GRIK2: variants seen among roughly 807,000 people sequenced by gnomAD.
GRIK2 encodes glutamate ionotropic receptor kainate type subunit 2.
GRIK2 carries 32 observed loss-of-function variants against 100.3 expected under a neutral mutation model. The ratio of observed to expected loss-of-function variants is 0.32; its 90% CI spans 0.24 to 0.43. GRIK2 has a LOEUF of 0.43. Ranked by LOEUF, GRIK2 falls within the 20% of genes least tolerant of loss-of-function variation. The pLI is 1.00. For missense variants in GRIK2, 843 were observed against 1,114.9 expected, an observed-to-expected ratio of 0.76 and a Z score of 3.47; for synonymous variants, 417 against 389.4, an observed-to-expected ratio of 1.07 and a Z score of -0.83.
At chr6:101,717,886 G>C (rs939256927) in intron 7 of GRIK2, among the ~76,000 whole-genome samples, 1 of 151,632 alleles carries the variant, frequency 6.6e-6, no homozygotes, top group African/African-American at 2.4e-5. Context: ...AAAGCCTTTA[G>C]TCTTTATTAA....
At chr6:101,549,075 TGAG>T (rs1330643145) in intron 2 of GRIK2, among the ~76,000 whole-genome samples, 1 of 152,064 alleles carries the variant, frequency 6.6e-6, no homozygotes, top group African/African-American at 2.4e-5. Context: ...GAACAAAACT[TGAG>T]GATTAATTTA....
chr6:101,411,051 G>T (rs768100965), intron 2 of GRIK2, among the ~76,000 whole-genome samples: 32 of 152,096 alleles, frequency 2.1e-4, no homozygotes, highest in Middle Eastern at 6.8e-3. Flanking sequence ...GAATATTTTT[G>T]AATTTTTGCC....
chr6:101,580,839 C>A (rs1369734366), intron 2 of GRIK2, among the ~76,000 whole-genome samples: 1 of 151,944 alleles, frequency 6.6e-6, no homozygotes, highest in East Asian at 1.9e-4. Context: ...CTGCATAGTT[C>A]CCTCTCAATT....
chr6:101,639,069 C>T (rs375722302), intron 4 of GRIK2, among the ~76,000 whole-genome samples: 7 of 152,092 alleles, frequency 4.6e-5, no homozygotes, highest in African/African-American at 1.7e-4. Context: ...AAGAGGGAGT[C>T]TCGCTCTGTC....
chr6:101,691,150 C>T (rs1562313628), intron 7 of GRIK2, among the ~76,000 whole-genome samples: 1 of 151,774 alleles, frequency 6.6e-6, no homozygotes, highest in Non-Finnish European at 1.5e-5. Flanking sequence ...CATATTACAT[C>T]TGTGTTCTAA....
At chr6:102,036,189 T>C (rs1040831026) in intron 15 of GRIK2, among the ~76,000 whole-genome samples, 3 of 150,746 alleles carry the variant, frequency 2.0e-5, no homozygotes, top group African/African-American at 7.3e-5. Context: ...ATTATATATA[T>C]ACAAACATGT....
At chr6:101,926,298 T>C (rs1032831341) in intron 13 of GRIK2, among the ~76,000 whole-genome samples, 2 of 149,794 alleles carry the variant, frequency 1.3e-5, no homozygotes, top group Middle Eastern at 3.2e-3. Flanking sequence ...AAGCCCGTCA[T>C]ATGGCACAAG....
At chr6:101,938,416 A>C (rs758644160) in intron 14 of GRIK2, among the ~76,000 whole-genome samples, 2 of 152,124 alleles carry the variant, frequency 1.3e-5, no homozygotes, top group Admixed American at 6.6e-5. Flanking sequence ...GTGCTTGTTC[A>C]TAAGTGTTGA....
chr6:101,614,964 AT>A (rs1283921810), intron 2 of GRIK2, among the ~76,000 whole-genome samples: 11 of 151,698 alleles, frequency 7.3e-5, no homozygotes, highest in Non-Finnish European at 8.9e-5. Flanking sequence ...CAGTTGACTA[AT>A]CTTTTATTTC....
intron 2 of GRIK2, among the ~76,000 whole-genome samples, chr6:101,447,151 G>C (rs1371694693): frequency 1.3e-5 from 2 of 151,110 alleles, no homozygotes; most frequent in African/African-American, 4.8e-5. Flanking sequence ...GCTTTCTAAA[G>C]CATTAATATC....
At chr6:101,506,660 T>C (rs948803867) in intron 2 of GRIK2, among the ~76,000 whole-genome samples, 4 of 152,176 alleles carry the variant, frequency 2.6e-5, no homozygotes, top group Non-Finnish European at 4.4e-5. Context: ...AGTCGAACTT[T>C]GCTTTCTAAT....
intron 12 of GRIK2, among the ~76,000 whole-genome samples, chr6:101,918,700 G>A (rs1039967203): frequency 6.6e-6 from 1 of 151,632 alleles, no homozygotes; most frequent in African/African-American, 2.4e-5. Context: ...TATTTGGCTG[G>A]AATTCAAACC....
chr6:102,038,719 C>T (rs1304595695), intron 15 of GRIK2, among the ~76,000 whole-genome samples: 2 of 145,464 alleles, frequency 1.4e-5, no homozygotes, highest in East Asian at 2.0e-4. Flanking sequence ...TCTTTCTCAG[C>T]AAGAGTTAAT....
intron 12 of GRIK2, among the ~76,000 whole-genome samples, chr6:101,909,759 T>C (rs1244659224): frequency 6.6e-6 from 1 of 151,138 alleles, no homozygotes; most frequent in Non-Finnish European, 1.5e-5. Context: ...CATACAGATA[T>C]ATATGCATTG....
chr6:101,658,349 C>CAGCTTCAT (rs1769353986), intron 4 of GRIK2, among the ~76,000 whole-genome samples: 2 of 152,278 alleles, frequency 1.3e-5, no homozygotes, highest in South Asian at 4.1e-4. Flanking sequence ...TGATGGTTTC[C>CAGCTTCAT]AGCTTCATCC....
Position 101,748,150 on chromosome 6 carries a change from A to G in GRIK2, c.952-51498A>G, listed in dbSNP as rs375924958. Reference sequence around the variant, plus strand: ...ACATGATGTTAAAAATGGAAAGTACATATCTGAAAGATATTCATGCAGTCA... The same window carrying G: ...ACATGATGTTAAAAATGGAAAGTACGTATCTGAAAGATATTCATGCAGTCA... On this transcript the variant is annotated intron_variant, in intron 7 of 16. Transcript: ENST00000369134. Among the ~76,000 whole-genome samples, 15 of 152,358 alleles carry G rather than the reference A, an allele frequency of 9.8e-5. No homozygotes were observed. The East Asian group carries it at 1.5e-3, about 16-fold the overall frequency.
intron 8 of GRIK2, 69 bp downstream of exon 8, chr6:101,799,860 G>GC: frequency 7.8e-7 from 1 of 1,285,184 alleles, no homozygotes; most frequent in Non-Finnish European, 1.1e-6. Context: ...GATTATTGTG[G>GC]TTTTTCTAGC....
At chr6:101,687,563 T>G (rs1303930937) in intron 7 of GRIK2, among the ~76,000 whole-genome samples, 3 of 151,930 alleles carry the variant, frequency 2.0e-5, no homozygotes, top group African/African-American at 7.2e-5. Flanking sequence ...AAATTTGATT[T>G]TTTTATCCTT....
intron 7 of GRIK2, among the ~76,000 whole-genome samples, chr6:101,692,883 C>A (rs945142420): frequency 6.6e-6 from 1 of 151,876 alleles, no homozygotes; most frequent in Non-Finnish European, 1.5e-5. Flanking sequence ...GTCATAAGTA[C>A]AACATTTGTT....
Sources: gnomAD v4.1 joint callset for allele counts (sites outside exome capture counted in the v4.1 genomes callset) on GRCh38, gnomAD v4.1.1 for gene constraint, MANE v1.5 for transcripts, NCBI Gene and HGNC (gene_info 2026-07-23, HGNC 2026-07-21) for gene names.